The following ADCY5 variants were observed in gnomAD, a reference collection of about 807,000 sequenced individuals.
ADCY5 encodes adenylate cyclase 5.
In ADCY5, 30 loss-of-function variants were observed where a neutral mutation model predicts 119.7. That is an observed-to-expected ratio of 0.25 (90% CI 0.19 to 0.34). The LOEUF (loss-of-function observed/expected upper bound fraction) is 0.34. Among genes scored for constraint, ADCY5 ranks in the 10% least tolerant of loss-of-function variants. The probability of loss-of-function intolerance (pLI) is 1.00; values close to 1 mark genes in which losing one functional copy is unlikely to be tolerated. For missense variants in ADCY5, 1,324 were observed against 1,775.2 expected, an observed-to-expected ratio of 0.75 and a Z score of 4.57; for synonymous variants, 753 against 762.2, an observed-to-expected ratio of 0.99 and a Z score of 0.20.
chr3:123,391,249 G>A (rs1189417423), intron 1 of ADCY5, among the ~76,000 whole-genome samples: 1 of 152,194 alleles, frequency 6.6e-6, no homozygotes, highest in Non-Finnish European at 1.5e-5. Flanking sequence ...GCTACATTCT[G>A]AGGATTTCAA....
chr3:123,390,690 C>T (rs887214680), intron 1 of ADCY5, among the ~76,000 whole-genome samples: 1 of 152,214 alleles, frequency 6.6e-6, no homozygotes, highest in Non-Finnish European at 1.5e-5. Flanking sequence ...AAGAACCTTC[C>T]TCATAATCCC....
At chr3:123,439,394 G>T (rs1322904812) in intron 1 of ADCY5, among the ~76,000 whole-genome samples, 1 of 101,532 alleles carries the variant, frequency 9.8e-6, no homozygotes, top group East Asian at 2.9e-4. Context: ...AAATGTAAAA[G>T]TTCTCAACTT....
At chr3:123,403,330 T>C (rs2107612212) in intron 1 of ADCY5, among the ~76,000 whole-genome samples, 2 of 149,424 alleles carry the variant, frequency 1.3e-5, no homozygotes, top group South Asian at 2.1e-4. Context: ...TGAGCCATGA[T>C]TGCACCAACC....
chr3:123,314,415 C>T, intron 11 of ADCY5, 93 bp from the exon 12 acceptor site: 1 of 965,758 alleles, frequency 1.0e-6, no homozygotes, highest in East Asian at 2.6e-5. Context: ...CCACAGGTCC[C>T]CCGTGCCCAT....
At chr3:123,377,729 C>T (rs115564529) in intron 1 of ADCY5, among the ~76,000 whole-genome samples, 1,560 of 152,080 alleles carry the variant, frequency 0.01, 33 homozygotes, top group African/African-American at 0.035. Context: ...AAAGAAGGTG[C>T]TTAGCACAAT....
intron 1 of ADCY5, among the ~76,000 whole-genome samples, chr3:123,430,132 AG>A (rs1365674324): frequency 6.6e-6 from 1 of 152,242 alleles, no homozygotes; most frequent in Non-Finnish European, 1.5e-5. Context: ...GAGGAGACCC[AG>A]GGAACACAGG....
intron 5 of ADCY5, among the ~76,000 whole-genome samples, chr3:123,329,159 G>C (rs1447974368): frequency 2.0e-5 from 3 of 152,236 alleles, no homozygotes; most frequent in Non-Finnish European, 2.9e-5. Flanking sequence ...AATTAAACAG[G>C]GAAGTTACCA....
chr3:123,390,309 A>T (rs927498413), intron 1 of ADCY5, among the ~76,000 whole-genome samples: 32 of 152,154 alleles, frequency 2.1e-4, no homozygotes, highest in Non-Finnish European at 4.0e-4. Context: ...AATCCCCTTG[A>T]TTGCCCAGTT....
At chr3:123,400,738 G>A (rs1225848254) in intron 1 of ADCY5, among the ~76,000 whole-genome samples, 2 of 152,000 alleles carry the variant, frequency 1.3e-5, no homozygotes, top group African/African-American at 4.8e-5. Flanking sequence ...TGAGGTCAGG[G>A]GTTCGAGACC....
Position 123,447,538 on chromosome 3 carries a change from G to A in ADCY5, c.1008C>T (p.Ile336=), listed in dbSNP as rs370143916. 1.1e-5 allele frequency: 17 copies of A among 1,610,372 alleles called. No homozygotes were observed. The highest frequency in any genetic ancestry group is 1.4e-5 in the Non-Finnish European group (16 of 1,179,706). ...SEGIWWTVFF[I]YTIYTLLPVR... is the part of the protein sequence containing the mutation. ...CGGGCAGCAGCGTGTAGATGGTGTA[G>A]ATGAAGAACACGGTCCACCAGATGC... The change falls in exon 1 of 21, where the codon ATC becomes ATT. Residue 336 remains isoleucine, a synonymous_variant. Coordinates refer to ENST00000462833, the MANE Select transcript of ADCY5 (RefSeq NM_183357.3).
chr3:123,367,884 G>A, intron 1 of ADCY5: 1 of 1,526,874 alleles, frequency 6.5e-7, no homozygotes, highest in Non-Finnish European at 8.7e-7. Context: ...AAATGAAACT[G>A]CCACCAAGTG....
intron 1 of ADCY5, among the ~76,000 whole-genome samples, chr3:123,395,841 C>G (rs1944525489): frequency 6.6e-6 from 1 of 150,718 alleles, no homozygotes; most frequent in African/African-American, 2.4e-5. Flanking sequence ...CATGATTTCA[C>G]CCCTGCACTC....
intron 17 of ADCY5, among the ~76,000 whole-genome samples, chr3:123,295,786 C>G (rs142553552): frequency 4.6e-5 from 7 of 152,332 alleles, no homozygotes; most frequent in Admixed American, 2.0e-4. Context: ...ACAGTAAGTG[C>G]CCAGCCAGTA....
intron 9 of ADCY5, 33 bp from the exon 10 acceptor site, chr3:123,319,851 C>A (rs1291848875): frequency 1.2e-6 from 2 of 1,606,296 alleles, no homozygotes; most frequent in Non-Finnish European, 8.5e-7. Flanking sequence ...GTGAGACAGG[C>A]TGACCACAGG....
chr3:123,380,459 C>G (rs1430209140), intron 1 of ADCY5, among the ~76,000 whole-genome samples: 4 of 152,202 alleles, frequency 2.6e-5, no homozygotes, highest in African/African-American at 9.7e-5. Flanking sequence ...CTGCCCACTG[C>G]CTTAGCCCTC....
At chr3:123,419,069 A>G in intron 1 of ADCY5, 7 of 871,400 alleles carry the variant, frequency 8.0e-6, no homozygotes, top group Non-Finnish European at 9.6e-6. Context: ...GCATGAGCCA[A>G]TCCCCCACAG....
In ADCY5 at chr3:123,375,942, GC is replaced by G. The variant is rs1348000306; in HGVS notation, c.1135-23362del. Among the ~76,000 whole-genome samples, 3 of 141,644 alleles carry G rather than the reference GC, an allele frequency of 2.1e-5. No homozygotes were observed. In the East Asian group the frequency reaches 6.4e-4, roughly 30 times the overall value. 92.9% of individuals were successfully genotyped at this position (141,644 alleles called of 152,430 possible). On this transcript the variant is annotated intron_variant, in intron 1 of 20. Coordinates refer to ENST00000462833, the MANE Select transcript of ADCY5 (RefSeq NM_183357.3). ...GTCCCAGAGCTGGGACTCCACGCGA[GC>G]CTTTGGAGCATGGCGGGAATCATGG...
intron 1 of ADCY5, among the ~76,000 whole-genome samples, chr3:123,395,380 C>G (rs953072418): frequency 1.3e-5 from 2 of 152,192 alleles, no homozygotes; most frequent in Non-Finnish European, 2.9e-5. Context: ...TGCCACTTCC[C>G]TCCCCATCAA....
intron 1 of ADCY5, among the ~76,000 whole-genome samples, chr3:123,423,722 G>A (rs1179599385): frequency 6.6e-6 from 1 of 152,206 alleles, no homozygotes; most frequent in African/African-American, 2.4e-5. Flanking sequence ...TCCCTCTGCA[G>A]TAAGAATCCA....
Sources: gnomAD v4.1 joint callset for allele counts (sites outside exome capture counted in the v4.1 genomes callset) on GRCh38, gnomAD v4.1.1 for gene constraint, MANE v1.5 for transcripts, NCBI Gene and HGNC (gene_info 2026-07-23, HGNC 2026-07-21) for gene names.